Variants in HOXC5 observed in about 807,000 individuals in gnomAD.
The protein encoded by HOXC5 is homeobox protein Hox-C5.
Under a neutral mutation model 20.1 loss-of-function variants are expected in HOXC5, and 19 were observed. The observed-to-expected ratio is 0.94, with a 90% confidence interval of 0.66 to 1.38. The LOEUF (loss-of-function observed/expected upper bound fraction) is 1.38. Among genes scored for constraint, HOXC5 ranks in the 40% most tolerant of loss-of-function variants. The pLI is 0.00. For missense variants in HOXC5, 330 were observed against 300.1 expected (o/e 1.10, Z -0.74); for synonymous variants, 124 against 117.0 (o/e 1.06, Z -0.39).
In HOXC5 at chr12:54,033,661, G is replaced by A. The variant is rs1208464594; in HGVS notation, c.454+85G>A. On this transcript the variant is annotated intron_variant, in intron 1 of 1. Transcript: ENST00000312492. ...GGGCAAATAAAGAAAAAAAACCTGC[G>A]GCCATAAATTTTACGATCCAGGCAT... The A allele has an allele frequency of 7.4e-6, 9 of 1,223,160 alleles. No homozygotes were observed. In the African/African-American group the frequency reaches 7.6e-5, roughly 10 times the overall value. The allele number at this position is 1,223,160 out of a possible 1,614,324, so 75.8% of individuals were successfully genotyped here.
the HOXC5 span, chr12:54,020,297 C>G: frequency 1.3e-5 from 2 of 152,406 alleles, no homozygotes; most frequent in East Asian, 3.9e-4. Context: ...TCCTTGGAGC[C>G]TCCCCCTCTG....
chr12:54,025,235 T>G, the HOXC5 span, among the ~76,000 whole-genome samples: 3 of 152,204 alleles, frequency 2.0e-5, no homozygotes, highest in African/African-American at 7.2e-5. Flanking sequence ...CTGTTCTTGC[T>G]TCTGCTGATG....
chr12:54,030,441 C>A (rs576740106), upstream of HOXC5: 2 of 153,124 alleles, frequency 1.3e-5, no homozygotes, highest in Non-Finnish European at 2.9e-5. Context: ...CCACACCAAC[C>A]CCCAGGGCCT....
chr12:54,018,667 A>G, the HOXC5 span, among the ~76,000 whole-genome samples: 1 of 152,220 alleles, frequency 6.6e-6, no homozygotes, highest in Non-Finnish European at 1.5e-5. Context: ...CCTGGGTCCG[A>G]GGCTCCGAGG....
chr12:54,028,413 TG>T (rs1391925314), upstream of HOXC5: 2 of 1,243,750 alleles, frequency 1.6e-6, no homozygotes, highest in African/African-American at 3.0e-5. Flanking sequence ...TTTGTCATTT[TG>T]TCTGTCCTGG....
intron 1 of HOXC5, chr12:54,034,046 C>A (rs1264719268): frequency 2.9e-6 from 2 of 700,952 alleles, no homozygotes; most frequent in Non-Finnish European, 5.3e-6. Context: ...CCAACCCCCC[C>A]TCAGCCCCTC....
chr12:54,019,831 A>AT, the HOXC5 span: 30 of 151,816 alleles, frequency 2.0e-4, no homozygotes, highest in African/African-American at 7.0e-4. Flanking sequence ...ATTTTAATTG[A>AT]TTTTCTGTCC....
chr12:54,033,600 C>A, intron 1 of HOXC5, 24 bp downstream of exon 1: 3 of 1,513,622 alleles, frequency 2.0e-6, no homozygotes, highest in Non-Finnish European at 2.7e-6. Context: ...CTTCATTTTG[C>A]GCTCTCGGGT....
At chr12:54,033,042 C>CA (rs369424089), upstream of HOXC5, 907 of 1,205,884 alleles carry the variant, frequency 7.5e-4, 5 homozygotes, top group African/African-American at 0.012. Context: ...CTTTGGAGAA[C>CA]AAAAAACCCC....
chr12:54,025,532 G>A, the HOXC5 span, among the ~76,000 whole-genome samples: 7 of 46,944 alleles, frequency 1.5e-4, no homozygotes, highest in Non-Finnish European at 3.8e-4. Context: ...GTAATTGGGG[G>A]GGGGGGAGGT....
the HOXC5 span, among the ~76,000 whole-genome samples, chr12:54,018,294 G>A: frequency 8.5e-5 from 13 of 152,272 alleles, 1 homozygote; most frequent in African/African-American, 3.1e-4. Context: ...CCACTGGACC[G>A]GGATGCCCGC....
At chr12:54,027,509 A>G in the HOXC5 span, among the ~76,000 whole-genome samples, 1 of 152,206 alleles carries the variant, frequency 6.6e-6, no homozygotes, top group Non-Finnish European at 1.5e-5. Context: ...TCTCACCAAC[A>G]TAAACAGGAG....
At chr12:54,026,673 C>T in the HOXC5 span, among the ~76,000 whole-genome samples, 1 of 152,182 alleles carries the variant, frequency 6.6e-6, no homozygotes, top group Non-Finnish European at 1.5e-5. Context: ...ACTCTTCAAC[C>T]CCCTAACGAG....
In HOXC5 at chr12:54,033,344, C is replaced by T. The variant is rs920512069; in HGVS notation, c.222C>T (p.Pro74=). ...AANPRAHPDR[P]ACSAAAAPGH... ...ACCCCCGGGCTCACCCCGACCGCCC[C>T]GCCTGCAGCGCCGCGGCCGCTCCGG... Residue 74 remains proline, a synonymous_variant, in exon 1 of 2, where the codon CCC becomes CCT. Transcript: ENST00000312492. 17 of 1,612,892 alleles carry T rather than the reference C, an allele frequency of 1.1e-5. No homozygotes were observed. In the African/African-American group the frequency reaches 1.1e-4, roughly 10 times the overall value.
the HOXC5 span, among the ~76,000 whole-genome samples, chr12:54,018,707 A>T: frequency 1.3e-5 from 2 of 151,930 alleles, no homozygotes; most frequent in African/African-American, 4.8e-5. Context: ...TTCTGTTTAT[A>T]AACGGCGACG....
chr12:54,026,964 T>TGGGG, the HOXC5 span, among the ~76,000 whole-genome samples: 7 of 127,280 alleles, frequency 5.5e-5, no homozygotes, highest in African/African-American at 2.0e-4. Context: ...CCAAAAATGG[T>TGGGG]GGGGGGGGGG....
Position 54,034,761 on chromosome 12 carries a change from G to T in HOXC5, c.*269G>T. The T allele has an allele frequency of 2.2e-6, 1 of 463,934 alleles. No individual in the cohort carries two copies. The highest frequency in any genetic ancestry group is 2.2e-5 in the South Asian group (1 of 45,830). 28.7% of individuals were successfully genotyped at this position (463,934 alleles called of 1,614,324 possible). A position where few individuals can be genotyped will look rare whatever the true frequency, so the allele number is the denominator to read the frequency against. The stretch of plus-strand genomic sequence containing the variant: ...GGGCAAGCTCCGCAGGACTTCCCCG[G>T]AGGGCTGCGGCGTACAGGCTGGCGC... On this transcript the variant is annotated 3_prime_UTR_variant, in exon 2 of 2. Transcript: ENST00000312492.
upstream of HOXC5, chr12:54,033,020 A>G: frequency 2.3e-6 from 2 of 881,360 alleles, no homozygotes; most frequent in Non-Finnish European, 1.8e-6. Context: ...ATCTCCACCT[A>G]TAAATTGTCC....
chr12:54,033,339 C>T lies in HOXC5; in HGVS notation c.217C>T (p.Arg73Cys), dbSNP rs772421092. The T allele has an allele frequency of 1.9e-6, 3 of 1,612,932 alleles. No individual in the cohort carries two copies. Among genetic ancestry groups the T allele is most frequent in the African/African-American group, 1.3e-5 (1 of 74,908 alleles). ...MAANPRAHPD[R>C]PACSAAAAPG... ...TGCCAACCCCCGGGCTCACCCCGAC[C>T]GCCCCGCCTGCAGCGCCGCGGCCGC... is the stretch of plus-strand genomic sequence containing the variant. Residue 73 changes from arginine (R) to cysteine (C), a missense_variant, in exon 1 of 2, where the codon CGC becomes TGC. Transcript: ENST00000312492.
Sources: gnomAD v4.1 joint callset for allele counts (sites outside exome capture counted in the v4.1 genomes callset) on GRCh38, gnomAD v4.1.1 for gene constraint, MANE v1.5 for transcripts, NCBI Gene and HGNC (gene_info 2026-07-23, HGNC 2026-07-21) for gene names.